SLC24A2: variants seen among roughly 807,000 people sequenced by gnomAD.
SLC24A2 encodes sodium/potassium/calcium exchanger 2.
Under a neutral mutation model 62.0 loss-of-function variants are expected in SLC24A2, and 36 were observed. That is an observed-to-expected ratio of 0.58 (90% CI 0.44 to 0.77). SLC24A2 has a LOEUF of 0.77. Among genes scored for constraint, SLC24A2 ranks in the 30% least tolerant of loss-of-function variants. The pLI, the probability that SLC24A2 is intolerant of heterozygous loss-of-function variation, is 0.00. For synonymous variants in SLC24A2, 358 were observed against 294.0 expected (o/e 1.22, Z -2.23); for missense variants, 846 against 817.9 (o/e 1.03, Z -0.42).
intron 2 of SLC24A2, among the ~76,000 whole-genome samples, chr9:19,649,503 T>C (rs1818739203): frequency 6.6e-6 from 1 of 152,198 alleles, no homozygotes; most frequent in Non-Finnish European, 1.5e-5. Context: ...GAGAATACTA[T>C]GTTTAGACCT....
At chr9:19,921,087 G>GGGT in the SLC24A2 span, among the ~76,000 whole-genome samples, 1 of 147,430 alleles carries the variant, frequency 6.8e-6, no homozygotes, top group Non-Finnish European at 1.5e-5. Context: ...ATGGGGGGGG[G>GGGT]GTGTTCCAAA....
chr9:19,907,341 C>G, the SLC24A2 span, among the ~76,000 whole-genome samples: 1 of 152,152 alleles, frequency 6.6e-6, no homozygotes, highest in Non-Finnish European at 1.5e-5. Flanking sequence ...ATAATAAGAG[C>G]TATCTATGAC....
chr9:20,079,309 C>A, the SLC24A2 span, among the ~76,000 whole-genome samples: 1 of 152,148 alleles, frequency 6.6e-6, no homozygotes, highest in Non-Finnish European at 1.5e-5. Context: ...TGTTATGACA[C>A]CCCTAGGAAA....
the SLC24A2 span, among the ~76,000 whole-genome samples, chr9:19,871,456 T>C: frequency 3.3e-5 from 5 of 152,348 alleles, no homozygotes; most frequent in East Asian, 1.9e-4. Context: ...ATACATTCTA[T>C]TGATATACCT....
chr9:19,666,047 T>C (rs1268349403), intron 2 of SLC24A2, among the ~76,000 whole-genome samples: 2 of 152,152 alleles, frequency 1.3e-5, no homozygotes, highest in Non-Finnish European at 2.9e-5. Flanking sequence ...AGGTTAGCTT[T>C]TATAAAATAT....
the SLC24A2 span, among the ~76,000 whole-genome samples, chr9:20,096,459 T>G: frequency 6.6e-6 from 1 of 152,112 alleles, no homozygotes; most frequent in East Asian, 1.9e-4. Flanking sequence ...CTGTCATCGG[T>G]TTTTTCTTTT....
At chr9:19,695,899 A>T (rs1006309955) in intron 2 of SLC24A2, among the ~76,000 whole-genome samples, 2 of 152,098 alleles carry the variant, frequency 1.3e-5, no homozygotes, top group Non-Finnish European at 2.9e-5. Context: ...ATACTATACA[A>T]AGTTAACAAG....
chr9:19,727,259 G>A (rs969720017), intron 2 of SLC24A2, among the ~76,000 whole-genome samples: 1 of 152,084 alleles, frequency 6.6e-6, no homozygotes. Context: ...AGGGGGATCT[G>A]TATACAGTGA....
At position 19,576,355 on chromosome 9, in the gene SLC24A2, A is replaced by G. The variant is rs369890346; in HGVS notation, c.1228+569T>C. 1.1e-4 allele frequency among the ~76,000 whole-genome samples: 16 copies of G among 152,356 alleles called. No homozygotes were observed. In the East Asian group the frequency reaches 1.3e-3, roughly 13 times the overall value. ...CCTGAATGTCACAATCTTGTCATAC[A>G]GGAGCTCTGCAAAAGTCAGTGGAAA... On this transcript the variant is annotated intron_variant, in intron 6 of 10. Coordinates refer to ENST00000341998, the MANE Select transcript of SLC24A2 (RefSeq NM_020344.4).
At chr9:19,701,928 A>G (rs1056253168) in intron 2 of SLC24A2, among the ~76,000 whole-genome samples, 2 of 152,002 alleles carry the variant, frequency 1.3e-5, no homozygotes, top group African/African-American at 4.8e-5. Context: ...CTAATACTCC[A>G]AGACTAGCAG....
At chr9:19,842,800 AT>A in the SLC24A2 span, among the ~76,000 whole-genome samples, 1 of 152,168 alleles carries the variant, frequency 6.6e-6, no homozygotes, top group Admixed American at 6.5e-5. Context: ...CCCCTCTAAA[AT>A]TTCTGATATC....
chr9:20,105,803 C>A, the SLC24A2 span, among the ~76,000 whole-genome samples: 1 of 151,962 alleles, frequency 6.6e-6, no homozygotes, highest in South Asian at 2.1e-4. Flanking sequence ...AAAGCAAGAG[C>A]AAACACATTC....
chr9:20,293,916 A>C, the SLC24A2 span, among the ~76,000 whole-genome samples: 1 of 152,110 alleles, frequency 6.6e-6, no homozygotes, highest in Non-Finnish European at 1.5e-5. Flanking sequence ...CTCAGGCTCC[A>C]CACAAGAAGG....
chr9:20,160,474 T>A, the SLC24A2 span, among the ~76,000 whole-genome samples: 1 of 151,394 alleles, frequency 6.6e-6, no homozygotes, highest in South Asian at 2.1e-4. Flanking sequence ...ACACTTATAA[T>A]AGAAAATATA....
chr9:20,243,131 A>T, the SLC24A2 span, among the ~76,000 whole-genome samples: 1 of 152,048 alleles, frequency 6.6e-6, no homozygotes, highest in East Asian at 1.9e-4. Flanking sequence ...CACCCCCCAT[A>T]TTGTGGGTGT....
intron 2 of SLC24A2, among the ~76,000 whole-genome samples, chr9:19,773,349 T>A (rs986626486): frequency 6.6e-6 from 1 of 152,132 alleles, no homozygotes; most frequent in Non-Finnish European, 1.5e-5. Context: ...AAAAAGTCAA[T>A]AGAGAAACAT....
the SLC24A2 span, among the ~76,000 whole-genome samples, chr9:19,909,897 C>T: frequency 9.2e-5 from 14 of 152,166 alleles, no homozygotes; most frequent in African/African-American, 2.9e-4. Flanking sequence ...GGCCTTATTC[C>T]TCCCACACTT....
the SLC24A2 span, among the ~76,000 whole-genome samples, chr9:19,966,366 T>C: frequency 2.0e-5 from 3 of 152,180 alleles, no homozygotes; most frequent in Non-Finnish European, 4.4e-5. Context: ...GTGTAAAACT[T>C]AACTCATTTT....
At chr9:20,193,570 C>A in the SLC24A2 span, among the ~76,000 whole-genome samples, 1 of 151,814 alleles carries the variant, frequency 6.6e-6, no homozygotes, top group African/African-American at 2.4e-5. Flanking sequence ...TGTAGTTGAT[C>A]TTTTAATATA....
Sources: gnomAD v4.1 joint callset for allele counts (sites outside exome capture counted in the v4.1 genomes callset) on GRCh38, gnomAD v4.1.1 for gene constraint, MANE v1.5 for transcripts, NCBI Gene and HGNC (gene_info 2026-07-23, HGNC 2026-07-21) for gene names.